The following MAP9 variants were observed in gnomAD, a reference collection of about 807,000 sequenced individuals.
The protein encoded by MAP9 is microtubule associated protein 9.
In MAP9, 80 loss-of-function variants were observed where a neutral mutation model predicts 75.2. The ratio of observed to expected loss-of-function variants is 1.06; its 90% CI spans 0.89 to 1.28. MAP9 has a LOEUF of 1.28. Ranked by LOEUF, MAP9 falls within the 50% of genes most tolerant of loss-of-function variation. The probability of loss-of-function intolerance (pLI) is 0.00; values close to 1 mark genes in which losing one functional copy is unlikely to be tolerated. For synonymous variants in MAP9, 235 were observed against 237.3 expected (o/e 0.99, Z 0.09); for missense variants, 753 against 719.9 (o/e 1.05, Z -0.53).
chr4:155,362,704 G>A (rs1201672352), intron 5 of MAP9: 1 of 152,192 alleles, frequency 6.6e-6, no homozygotes, highest in African/African-American at 2.4e-5. Context: ...AATTATATTT[G>A]TCTATCTAAG....
intron 4 of MAP9, among the ~76,000 whole-genome samples, chr4:155,372,186 G>A (rs1466895846): frequency 6.6e-6 from 1 of 152,048 alleles, no homozygotes; most frequent in African/African-American, 2.4e-5. Context: ...TGAGATTGTG[G>A]GGTCAGGAAG....
In MAP9 at chr4:155,355,087, CT is replaced by C; in HGVS notation, c.1363del (p.Arg455GlyfsTer16). 7.1e-7 allele frequency: 1 copy of C among 1,405,638 alleles called. No individual in the cohort carries two copies. The highest frequency in any genetic ancestry group is 9.6e-7 in the Non-Finnish European group (1 of 1,037,802). 87.1% of individuals were successfully genotyped at this position (1,405,638 alleles called of 1,614,324 possible). On this transcript the variant is annotated frameshift_variant, in exon 10 of 14. Transcript: ENST00000311277. LOFTEE classifies it high-confidence loss of function. ...TCAGAATACCTGTTCATTTTGGATC[CT>C]TAAGTTTTCACTTTCAATTCTTTTT... ...RIKRIESENLRIQNEQKKAAK... is the reference protein window; with the variant it reads ...RIKRIESENLXIQNEQKKAAK...
intron 7 of MAP9, among the ~76,000 whole-genome samples, chr4:155,357,813 G>C (rs1377590266): frequency 6.6e-6 from 1 of 152,144 alleles, no homozygotes; most frequent in East Asian, 1.9e-4. Flanking sequence ...GTTGGTCAGG[G>C]AAGGCTGTCC....
intron 5 of MAP9, chr4:155,368,099 C>T (rs763668284): frequency 3.0e-5 from 5 of 167,210 alleles, no homozygotes; most frequent in Non-Finnish European, 6.4e-5. Context: ...GGAACATAAC[C>T]CAAAGAACAC....
chr4:155,363,017 G>T (rs13141128), intron 5 of MAP9: 9,300 of 152,214 alleles, frequency 0.061, 402 homozygotes, highest in Non-Finnish European at 0.09. Context: ...AGCCTTGGTG[G>T]AATGACTTGA....
chr4:155,351,825 C>T (rs1269892417), intron 13 of MAP9, among the ~76,000 whole-genome samples: 2 of 151,832 alleles, frequency 1.3e-5, no homozygotes, highest in African/African-American at 4.8e-5. Flanking sequence ...GGAAACCTGA[C>T]TGGATAGACT....
In MAP9 at chr4:155,353,285, A is replaced by G; in HGVS notation, c.1436T>C (p.Met479Thr). Residue 479 changes from methionine (M) to threonine (T), a missense_variant, in exon 11 of 14, where the codon ATG becomes ACG. Physicochemically the swap from Met to Thr is moderately conservative, Grantham distance 81 (BLOSUM62 -1). Coordinates refer to ENST00000311277, the MANE Select transcript of MAP9 (RefSeq NM_001039580.2). ...TATTTTCTTTGCTTCCTTTTCTTTC[A>G]TAGCCTTCCAGGCCTCAAATGATGC... is the stretch of plus-strand genomic sequence containing the variant. ...ALASFEAWKA[M>T]KEKEAKKIAA... is the part of the protein sequence containing the mutation. 3 of 1,607,642 alleles carry G rather than the reference A, an allele frequency of 1.9e-6. No individual in the cohort carries two copies. Among genetic ancestry groups the G allele is most frequent in the Non-Finnish European group, 2.5e-6 (3 of 1,177,992 alleles).
chr4:155,368,898 T>G, intron 4 of MAP9, 86 bp from the exon 5 acceptor site: 1 of 1,062,184 alleles, frequency 9.4e-7, no homozygotes. Context: ...ACTTCCCTCC[T>G]GTGCCTATGC....
chr4:155,373,467 GA>G lies in MAP9; in HGVS notation c.161-12del. The G allele has an allele frequency of 1.4e-6, 2 of 1,429,974 alleles. No individual in the cohort carries two copies. Among genetic ancestry groups the G allele is most frequent in the South Asian group, 1.4e-5 (1 of 70,424 alleles). 88.6% of individuals were successfully genotyped at this position (1,429,974 alleles called of 1,614,324 possible). ...AATCACCTAAAGAAACTGAAAAATG[GA>G]AAAGAAAAATGTTTTCAACAGTATT... On this transcript the variant is annotated splice_polypyrimidine_tract_variant and intron_variant, in intron 3 of 13. Coordinates refer to ENST00000311277, the MANE Select transcript of MAP9 (RefSeq NM_001039580.2).
At chr4:155,366,917 C>A (rs568953877) in intron 5 of MAP9, among the ~76,000 whole-genome samples, 4 of 152,214 alleles carry the variant, frequency 2.6e-5, no homozygotes, top group African/African-American at 9.6e-5. Flanking sequence ...AGAAAAGACA[C>A]TCCCCAACTC....
At chr4:155,363,410 A>G (rs1266633159) in intron 5 of MAP9, 1 of 152,148 alleles carries the variant, frequency 6.6e-6, no homozygotes, top group African/African-American at 2.4e-5. Context: ...TATTTAAAAA[A>G]CAAAATAAAA....
intron 5 of MAP9, 121 bp from the exon 6 acceptor site, chr4:155,362,262 A>C: frequency 1.6e-6 from 1 of 636,466 alleles, no homozygotes; most frequent in Non-Finnish European, 2.6e-6. Flanking sequence ...TGCATTATTT[A>C]GGCATTTGTT....
In MAP9 at chr4:155,373,448, C is replaced by G; in HGVS notation, c.169G>C (p.Gly57Arg). The G allele has an allele frequency of 6.6e-7, 1 of 1,514,412 alleles. No individual in the cohort carries two copies. Among genetic ancestry groups the G allele is most frequent in the Non-Finnish European group, 8.8e-7 (1 of 1,134,794 alleles). The allele number at this position is 1,514,412 out of a possible 1,614,324, so 93.8% of individuals were successfully genotyped here. A position where few individuals can be genotyped will look rare whatever the true frequency, so the allele number is the denominator to read the frequency against. The part of the protein sequence containing the change: ...DFDSDEIVSL[G>R]DFSDTSADEN... Reference sequence around the variant, plus strand: ...TCTGCTGAAGTGTCAGAAAAATCACCTAAAGAAACTGAAAAATGGAAAAGA... The same window carrying G: ...TCTGCTGAAGTGTCAGAAAAATCACGTAAAGAAACTGAAAAATGGAAAAGA... Residue 57 changes from glycine (G) to arginine (R), a missense_variant, in exon 4 of 14, where the codon GGT becomes CGT. Gly to Arg is a moderately radical substitution (Grantham distance 125, BLOSUM62 -2). Transcript: ENST00000311277.
At chr4:155,371,074 G>A (rs1732571612) in intron 4 of MAP9, among the ~76,000 whole-genome samples, 1 of 152,146 alleles carries the variant, frequency 6.6e-6, no homozygotes, top group South Asian at 2.1e-4. Flanking sequence ...AGTCATGTTA[G>A]TATTAAAATA....
At chr4:155,363,773 G>A (rs1485410835) in intron 5 of MAP9, among the ~76,000 whole-genome samples, 1 of 151,978 alleles carries the variant, frequency 6.6e-6, no homozygotes, top group African/African-American at 2.4e-5. Context: ...ACCACAATCT[G>A]TAAACGTGAA....
rs1732691168 is a variant in MAP9, at chr4:155,373,355, T to G, written c.262A>C (p.Lys88Gln). The G allele has an allele frequency of 1.2e-6, 2 of 1,613,002 alleles. No homozygotes were observed. The highest frequency in any genetic ancestry group is 2.2e-5 in the South Asian group (2 of 90,780). The change falls in exon 4 of 14, where the codon AAA becomes CAA. Residue 88 changes from lysine to glutamine, a missense_variant. By Grantham distance (53) the Lys-to-Gln change is moderately conservative (BLOSUM62 1). Transcript: ENST00000311277. The part of the protein sequence containing the change: ...ISDDEEKNPS[K>Q]LLFLKTNKSN... ...TTATTGGTTTTCAAAAACAATAGTT[T>G]TGAAGGATTCTTTTCTTCATCATCT...
chr4:155,356,552 A>G (rs910398176), intron 8 of MAP9, among the ~76,000 whole-genome samples: 24 of 152,176 alleles, frequency 1.6e-4, no homozygotes, highest in African/African-American at 4.8e-4. Flanking sequence ...CACTCTTTTA[A>G]TATTTTCTTT....
intron 4 of MAP9, among the ~76,000 whole-genome samples, chr4:155,369,953 A>C (rs1057088348): frequency 6.6e-6 from 1 of 152,156 alleles, no homozygotes; most frequent in Non-Finnish European, 1.5e-5. Flanking sequence ...CTACAAATGC[A>C]TTTTTCTCAA....
chr4:155,355,984 G>A (rs1229592791), intron 8 of MAP9, 100 bp from the exon 9 acceptor site: 1 of 1,047,658 alleles, frequency 9.5e-7, no homozygotes, highest in Non-Finnish European at 1.4e-6. Context: ...AAACTGGCCA[G>A]GCATGATGGC....
Sources: gnomAD v4.1 joint callset for allele counts (sites outside exome capture counted in the v4.1 genomes callset) on GRCh38, gnomAD v4.1.1 for gene constraint, MANE v1.5 for transcripts, NCBI Gene and HGNC (gene_info 2026-07-23, HGNC 2026-07-21) for gene names.